The following BAZ2B variants were observed in gnomAD, a reference collection of about 807,000 sequenced individuals.
BAZ2B encodes bromodomain adjacent to zinc finger domain protein 2B.
A neutral mutation model predicts 246.0 loss-of-function variants in BAZ2B; 91 were observed. The observed-to-expected ratio is 0.37, with a 90% CI of 0.31 to 0.44. The LOEUF is 0.44. Among genes scored for constraint, BAZ2B ranks in the 20% least tolerant of loss-of-function variants. BAZ2B has a pLI of 1.00. For synonymous variants in BAZ2B, 855 were observed against 860.0 expected, an observed-to-expected ratio of 0.99 and a Z score of 0.10; for missense variants, 2,332 against 2,533.7, an observed-to-expected ratio of 0.92 and a Z score of 1.71.
intron 1 of BAZ2B, among the ~76,000 whole-genome samples, chr2:159,587,835 A>C (rs996785929): frequency 1.3e-5 from 2 of 152,240 alleles, no homozygotes; most frequent in African/African-American, 4.8e-5. Flanking sequence ...ATGAATTACC[A>C]ATAGTAGTTG....
chr2:159,552,327 A>G (rs1332403676), intron 2 of BAZ2B, among the ~76,000 whole-genome samples: 1 of 152,178 alleles, frequency 6.6e-6, no homozygotes, highest in African/African-American at 2.4e-5. Context: ...AACAGACAAA[A>G]TGGCCACAAT....
rs201477266 is a variant in BAZ2B at position 159,429,228 on chromosome 2, G to A, written c.2227C>T (p.Arg743Cys). The change falls in exon 11 of 37, where the codon CGT becomes TGT. Residue 743 changes from arginine to cysteine, a missense_variant. Transcript: ENST00000392783. ...TSKRRRVTDE[R>C]ELRIPLEYGW... The stretch of plus-strand genomic sequence containing the variant: ...TATTCCAATGGAATACGCAGTTCAC[G>A]TTCATCTGTTACTCTTCTTCTTTTG... 154 of 1,558,286 alleles carry A rather than the reference G, an allele frequency of 9.9e-5. 1 individual carries two copies. Among genetic ancestry groups the A allele is most frequent in the Non-Finnish European group, 1.2e-4 (139 of 1,147,348 alleles).
chr2:159,582,993 T>C (rs1381794375), intron 1 of BAZ2B, among the ~76,000 whole-genome samples: 3 of 152,120 alleles, frequency 2.0e-5, no homozygotes, highest in East Asian at 1.9e-4. Flanking sequence ...AAATAATGTG[T>C]ATAATTATAT....
chr2:159,383,815 T>C (rs2062293159), intron 23 of BAZ2B, 135 bp from the exon 24 acceptor site: 2 of 684,676 alleles, frequency 2.9e-6, no homozygotes, highest in Non-Finnish European at 4.9e-6. Context: ...ACCTCATGCA[T>C]ATACACGTTC....
At chr2:159,522,518 T>A (rs1217606328) in intron 2 of BAZ2B, among the ~76,000 whole-genome samples, 1 of 152,246 alleles carries the variant, frequency 6.6e-6, no homozygotes, top group Non-Finnish European at 1.5e-5. Context: ...TATTTTATAC[T>A]ACGTTAATGT....
At chr2:159,415,812 T>C (rs1171587405) in intron 13 of BAZ2B, among the ~76,000 whole-genome samples, 1 of 152,238 alleles carries the variant, frequency 6.6e-6, no homozygotes, top group Non-Finnish European at 1.5e-5. Context: ...TACTAAATTG[T>C]ACGTGATTAT....
chr2:159,506,579 C>A (rs556435057), intron 2 of BAZ2B, among the ~76,000 whole-genome samples: 1 of 152,082 alleles, frequency 6.6e-6, no homozygotes, highest in African/African-American at 2.4e-5. Flanking sequence ...AGAACCAGAT[C>A]GGCCCAGTCC....
the BAZ2B span, among the ~76,000 whole-genome samples, chr2:159,671,943 T>C: frequency 6.6e-6 from 1 of 152,180 alleles, no homozygotes; most frequent in Admixed American, 6.5e-5. Flanking sequence ...TGTCAAACTT[T>C]AGCATGACTT....
intron 27 of BAZ2B, among the ~76,000 whole-genome samples, 179 bp from the exon 28 acceptor site, chr2:159,350,536 C>CATAT (rs59292549): frequency 2.0e-3 from 292 of 148,690 alleles, no homozygotes; most frequent in African/African-American, 6.5e-3. Flanking sequence ...GGAAAATTAA[C>CATAT]ATATATATAT....
chr2:159,316,938 T>C (rs2062194770), downstream of BAZ2B, among the ~76,000 whole-genome samples: 1 of 151,688 alleles, frequency 6.6e-6, no homozygotes, highest in Non-Finnish European at 1.5e-5. Context: ...GAGGCGGAGG[T>C]TGCAGTGAGC....
the BAZ2B span, among the ~76,000 whole-genome samples, chr2:159,667,382 G>A: frequency 1.3e-5 from 2 of 151,794 alleles, no homozygotes; most frequent in Non-Finnish European, 2.9e-5. Flanking sequence ...GATCACTTGA[G>A]GCCAGAAGTT....
At chr2:159,560,551 T>C (rs558481742) in intron 1 of BAZ2B, among the ~76,000 whole-genome samples, 37 of 152,276 alleles carry the variant, frequency 2.4e-4, no homozygotes, top group African/African-American at 5.1e-4. Flanking sequence ...TTGGCATTTA[T>C]TTTTAAGGTT....
intron 1 of BAZ2B, among the ~76,000 whole-genome samples, chr2:159,587,639 A>G (rs767871176): frequency 6.6e-6 from 1 of 152,176 alleles, no homozygotes; most frequent in South Asian, 2.1e-4. Flanking sequence ...AAAGTTTAAC[A>G]ATCTGGTGAA....
At chr2:159,337,393 G>A (rs2065864789) in intron 32 of BAZ2B, 174 bp downstream of exon 32, 1 of 1,408,424 alleles carries the variant, frequency 7.1e-7, no homozygotes, top group Non-Finnish European at 9.6e-7. Context: ...ATAGATAACA[G>A]GCAATAGAAA....
chr2:159,349,924 T>C lies in BAZ2B; in HGVS notation c.4647A>G (p.Leu1549=). The C allele has an allele frequency of 6.2e-7, 1 of 1,614,202 alleles. No homozygotes were observed. The change falls in exon 28 of 37, where the codon CTA becomes CTG. Residue 1549 remains leucine, a synonymous_variant. Transcript: ENST00000392783. ...GTCTATTCTTTTCAGTCAGCGTTTTTAGTAACTGGTCATTGGGGAGAGGAC... is the reference window on the plus strand; with the variant it reads ...GTCTATTCTTTTCAGTCAGCGTTTTCAGTAACTGGTCATTGGGGAGAGGAC... ...FYSPLPNDQL[L]KTLTEKNRQW...
chr2:159,467,877 T>C (rs2077277288), intron 3 of BAZ2B, among the ~76,000 whole-genome samples: 1 of 152,200 alleles, frequency 6.6e-6, no homozygotes, highest in Non-Finnish European at 1.5e-5. Context: ...GTCTGCTGCC[T>C]AAATCACATA....
chr2:159,460,031 T>C (rs1280377698), intron 3 of BAZ2B: 1 of 152,118 alleles, frequency 6.6e-6, no homozygotes, highest in East Asian at 1.9e-4. Context: ...GGTAACTGTA[T>C]ACATTTTACA....
At chr2:159,480,849 T>C (rs758248848) in intron 2 of BAZ2B, among the ~76,000 whole-genome samples, 1 of 152,112 alleles carries the variant, frequency 6.6e-6, no homozygotes, top group Non-Finnish European at 1.5e-5. Context: ...TTAGAAGCTC[T>C]ATTATAGACA....
chr2:159,337,747 G>A lies in BAZ2B; in HGVS notation c.5480C>T (p.Ser1827Leu). The A allele has an allele frequency of 1.2e-6, 2 of 1,614,052 alleles. No individual in the cohort carries two copies. ...VKGWMCPEPA[S>L]EREDLVYFEH... is the part of the protein sequence containing the mutation. The stretch of plus-strand genomic sequence containing the variant: ...AAAATATACCAAGTCCTCCCTTTCT[G>A]ATGCAGGCTCTGGACACATCCAACC... The change falls in exon 32 of 37, where the codon TCA becomes TTA. Residue 1827 changes from serine (S) to leucine (L), a missense_variant. Ser to Leu is a moderately radical substitution (Grantham distance 145, BLOSUM62 -2). Coordinates refer to ENST00000392783, the MANE Select transcript of BAZ2B (RefSeq NM_013450.4).
Sources: allele counts gnomAD v4.1 joint callset (sites outside exome capture counted in the v4.1 genomes callset), GRCh38; gene constraint gnomAD v4.1.1; transcripts MANE v1.5; gene names NCBI Gene and HGNC (gene_info 2026-07-23, HGNC 2026-07-21).